Variants in KHDRBS2 observed in about 807,000 individuals in gnomAD.
KHDRBS2 encodes KH RNA binding domain containing, signal transduction associated 2.
Under a neutral mutation model 44.3 loss-of-function variants are expected in KHDRBS2, and 26 were observed. The ratio of observed to expected loss-of-function variants is 0.59; its 90% confidence interval spans 0.43 to 0.81. KHDRBS2 has a LOEUF of 0.81. Among genes scored for constraint, KHDRBS2 ranks in the 40% least tolerant of loss-of-function variants. The pLI is 0.00. For missense variants in KHDRBS2, 476 were observed against 433.1 expected (o/e 1.10, Z -0.88); for synonymous variants, 194 against 151.1 (o/e 1.28, Z -2.08).
At chr6:61,822,220 G>A (rs59899220) in intron 6 of KHDRBS2, among the ~76,000 whole-genome samples, 50,527 of 151,520 alleles carry the variant, frequency 0.33, 8,820 homozygotes, top group African/African-American at 0.44. Flanking sequence ...TCAGTCTATC[G>A]AAAACGAAGT....
chr6:61,823,077 T>C (rs1478853721), intron 6 of KHDRBS2, among the ~76,000 whole-genome samples: 1 of 151,990 alleles, frequency 6.6e-6, no homozygotes, highest in Admixed American at 6.6e-5. Flanking sequence ...GATGGGGTCA[T>C]TCTAGCTGAT....
At chr6:62,076,986 C>T (rs1227509114) in intron 2 of KHDRBS2, among the ~76,000 whole-genome samples, 2 of 151,830 alleles carry the variant, frequency 1.3e-5, no homozygotes, top group Non-Finnish European at 2.9e-5. Flanking sequence ...TTGAAGACTG[C>T]AATGAACTAT....
At chr6:61,633,059 A>T in the KHDRBS2 span, among the ~76,000 whole-genome samples, 1 of 152,102 alleles carries the variant, frequency 6.6e-6, no homozygotes, top group Non-Finnish European at 1.5e-5. Flanking sequence ...AAGGCTTACT[A>T]TATTCAGAAT....
downstream of KHDRBS2, chr6:61,679,810 C>G (rs902839884): frequency 6.6e-6 from 1 of 151,786 alleles, no homozygotes; most frequent in Non-Finnish European, 1.5e-5. Flanking sequence ...ATTTAATGTG[C>G]GGGGAAACTC....
intron 8 of KHDRBS2, among the ~76,000 whole-genome samples, chr6:61,693,147 A>C (rs1170782138): frequency 1.3e-5 from 2 of 152,134 alleles, no homozygotes; most frequent in Non-Finnish European, 2.9e-5. Flanking sequence ...GTTAATATGT[A>C]AAGTATGGAC....
intron 3 of KHDRBS2, among the ~76,000 whole-genome samples, chr6:61,993,160 C>A (rs893116109): frequency 1.7e-4 from 26 of 152,060 alleles, no homozygotes; most frequent in African/African-American, 6.0e-4. Flanking sequence ...AGAGCAAAGG[C>A]CTGGATATAG....
chr6:61,774,632 G>GAA (rs1304424166), intron 6 of KHDRBS2, among the ~76,000 whole-genome samples: 1 of 152,156 alleles, frequency 6.6e-6, no homozygotes, highest in African/African-American at 2.4e-5. Context: ...AACAGGCTCT[G>GAA]AAATTGAGGC....
At chr6:61,610,819 C>T in the KHDRBS2 span, among the ~76,000 whole-genome samples, 2 of 152,178 alleles carry the variant, frequency 1.3e-5, no homozygotes, top group Non-Finnish European at 2.9e-5. Context: ...AGGTCTCACA[C>T]GTTGAGAAGT....
chr6:62,086,559 A>G (rs1284572757), intron 2 of KHDRBS2, among the ~76,000 whole-genome samples: 1 of 152,180 alleles, frequency 6.6e-6, no homozygotes. Flanking sequence ...GCAACTGGAT[A>G]GCAAATCCAT....
At chr6:61,702,005 T>C (rs1278541981) in intron 7 of KHDRBS2, among the ~76,000 whole-genome samples, 1 of 151,944 alleles carries the variant, frequency 6.6e-6, no homozygotes, top group African/African-American at 2.4e-5. Flanking sequence ...GTTGCAGTAA[T>C]TGGAATGAAA....
intron 6 of KHDRBS2, among the ~76,000 whole-genome samples, chr6:61,880,934 A>C (rs1287032987): frequency 6.6e-6 from 1 of 151,946 alleles, no homozygotes; most frequent in Non-Finnish European, 1.5e-5. Context: ...GCTGCTGACA[A>C]ACATTTGCTT....
At chr6:61,890,917 C>G (rs909879893) in intron 6 of KHDRBS2, among the ~76,000 whole-genome samples, 1 of 152,146 alleles carries the variant, frequency 6.6e-6, no homozygotes, top group African/African-American at 2.4e-5. Flanking sequence ...GAACACATTT[C>G]ACCTGTTCAA....
chr6:61,771,672 C>T (rs1400060567), intron 6 of KHDRBS2, among the ~76,000 whole-genome samples: 2 of 152,114 alleles, frequency 1.3e-5, no homozygotes, highest in Admixed American at 6.5e-5. Flanking sequence ...TACAGGAGCA[C>T]CCAGATTCAT....
At chr6:61,609,365 G>A in the KHDRBS2 span, among the ~76,000 whole-genome samples, 11 of 152,052 alleles carry the variant, frequency 7.2e-5, no homozygotes, top group South Asian at 2.1e-4. Flanking sequence ...TCTCAAAATC[G>A]GCAATGACGA....
At chr6:62,217,619 T>A (rs1830236064) in intron 1 of KHDRBS2, among the ~76,000 whole-genome samples, 1 of 151,822 alleles carries the variant, frequency 6.6e-6, no homozygotes, top group South Asian at 2.1e-4. Context: ...AAAAATGACA[T>A]TTAGGCTACA....
Position 61,755,355 on chromosome 6 carries a change from GC to G in KHDRBS2, c.811-22592del, listed in dbSNP as rs549502437. Among the ~76,000 whole-genome samples the G allele has an allele frequency of 1.5e-3, 225 of 152,154 alleles. 2 individuals carry two copies. The highest frequency in any genetic ancestry group is 3.7e-3 in the South Asian group (18 of 4,826). On this transcript the variant is annotated intron_variant, in intron 6 of 8. Transcript: ENST00000281156. ...TAAATAACTAGTTTGGGGAACCACT[GC>G]CTTAGAGCCTTATTAGTCCTGGACT...
In KHDRBS2 at chr6:61,894,782, G is replaced by C. The variant is rs986214219; in HGVS notation, c.663C>G (p.Leu221=). ...GGGTTACAGTGCTTCCCCGAGGGGT[G>C]AGAACACCTCGTCCAGGTGGTGGGG... ...PPPPPPGRGV[L]TPRGSTVTRG... Residue 221 remains leucine, a synonymous_variant, in exon 6 of 9, where the codon CTC becomes CTG. Coordinates refer to ENST00000281156, the MANE Select transcript of KHDRBS2 (RefSeq NM_152688.4). The C allele has an allele frequency of 1.2e-6, 2 of 1,613,046 alleles. No individual in the cohort carries two copies. Among genetic ancestry groups the C allele is most frequent in the African/African-American group, 2.7e-5 (2 of 74,892 alleles).
intron 2 of KHDRBS2, among the ~76,000 whole-genome samples, chr6:62,161,353 G>GA (rs1271702282): frequency 1.3e-5 from 2 of 150,222 alleles, no homozygotes; most frequent in Non-Finnish European, 3.0e-5. Context: ...TAAAAAAATT[G>GA]AAAAAATAAA....
chr6:61,882,466 T>C (rs1455568445), intron 6 of KHDRBS2, among the ~76,000 whole-genome samples: 1 of 152,016 alleles, frequency 6.6e-6, no homozygotes, highest in Non-Finnish European at 1.5e-5. Context: ...TATTCTCTAT[T>C]TGGTTTCTAA....
Sources: allele counts gnomAD v4.1 joint callset (sites outside exome capture counted in the v4.1 genomes callset), GRCh38; gene constraint gnomAD v4.1.1; transcripts MANE v1.5; gene names NCBI Gene and HGNC (gene_info 2026-07-23, HGNC 2026-07-21).